Variants in MACROD2 observed in about 807,000 individuals in gnomAD.
MACROD2 encodes the protein mono-ADP ribosylhydrolase 2.
MACROD2 carries 36 observed loss-of-function variants against 70.4 expected under a neutral mutation model. The observed-to-expected ratio is 0.51, with a 90% CI of 0.39 to 0.68. MACROD2 has a LOEUF of 0.68. Among genes scored for constraint, MACROD2 ranks in the 30% least tolerant of loss-of-function variants. The probability of loss-of-function intolerance (pLI) is 0.00; values close to 1 mark genes in which losing one functional copy is unlikely to be tolerated. For synonymous variants in MACROD2, 172 were observed against 178.8 expected, an observed-to-expected ratio of 0.96 and a Z score of 0.30; for missense variants, 496 against 538.4, an observed-to-expected ratio of 0.92 and a Z score of 0.78.
intron 5 of MACROD2, among the ~76,000 whole-genome samples, chr20:14,990,499 T>C (rs1375535645): frequency 7.0e-6 from 1 of 142,958 alleles, no homozygotes; most frequent in Non-Finnish European, 1.6e-5. Flanking sequence ...TCTGTTTCCT[T>C]TTTTTTTTTC....
intron 3 of MACROD2, among the ~76,000 whole-genome samples, chr20:14,387,191 G>C (rs574848324): frequency 1.3e-5 from 2 of 152,278 alleles, no homozygotes; most frequent in South Asian, 4.1e-4. Flanking sequence ...CTGTAAAACA[G>C]TATGAATGTG....
chr20:14,146,079 T>C (rs2054938784), intron 3 of MACROD2, among the ~76,000 whole-genome samples: 1 of 152,136 alleles, frequency 6.6e-6, no homozygotes, highest in Admixed American at 6.5e-5. Context: ...TCCCAGCACT[T>C]TGGGAGGCTG....
intron 10 of MACROD2, among the ~76,000 whole-genome samples, chr20:15,921,385 G>A (rs56389305): frequency 0.011 from 1,664 of 152,198 alleles, 25 homozygotes; most frequent in African/African-American, 0.033. Flanking sequence ...GTGAAGCACC[G>A]GCCATCGGCA....
At chr20:15,563,423 C>T (rs1312809854) in intron 8 of MACROD2, among the ~76,000 whole-genome samples, 2 of 152,116 alleles carry the variant, frequency 1.3e-5, no homozygotes, top group Non-Finnish European at 2.9e-5. Flanking sequence ...GCTTTTATGG[C>T]CTTAGAAAGC....
chr20:15,128,707 G>A (rs2076084013), intron 5 of MACROD2, among the ~76,000 whole-genome samples: 1 of 151,990 alleles, frequency 6.6e-6, no homozygotes, highest in Non-Finnish European at 1.5e-5. Flanking sequence ...ATTTGATTCT[G>A]AACAATGATG....
intron 10 of MACROD2, among the ~76,000 whole-genome samples, chr20:15,889,217 A>C (rs552909711): frequency 6.6e-6 from 1 of 152,298 alleles, no homozygotes; most frequent in South Asian, 2.1e-4. Context: ...GAGGTCAATG[A>C]ATAGGAGAGC....
At chr20:14,875,052 A>G (rs1212673822) in intron 5 of MACROD2, among the ~76,000 whole-genome samples, 1 of 151,910 alleles carries the variant, frequency 6.6e-6, no homozygotes, top group Non-Finnish European at 1.5e-5. Flanking sequence ...GACAAAAGAG[A>G]TATATTGACT....
chr20:15,668,331 G>A (rs1425772876), intron 8 of MACROD2, among the ~76,000 whole-genome samples: 1 of 151,760 alleles, frequency 6.6e-6, no homozygotes, highest in Non-Finnish European at 1.5e-5. Flanking sequence ...ATTTTGGGAG[G>A]CCAAGGCAGG....
At chr20:14,558,853 G>C (rs1487244700) in intron 4 of MACROD2, among the ~76,000 whole-genome samples, 1 of 151,576 alleles carries the variant, frequency 6.6e-6, no homozygotes, top group African/African-American at 2.4e-5. Flanking sequence ...ACTGTATTAG[G>C]TATTGAAGTG....
intron 8 of MACROD2, among the ~76,000 whole-genome samples, chr20:15,807,954 C>G (rs370703887): frequency 7.2e-5 from 11 of 152,048 alleles, no homozygotes; most frequent in Non-Finnish European, 1.5e-4. Flanking sequence ...AGTTAAAGAT[C>G]GACCCCTGAC....
chr20:14,196,219 G>A (rs1179887890), intron 3 of MACROD2, among the ~76,000 whole-genome samples: 1 of 152,126 alleles, frequency 6.6e-6, no homozygotes, highest in East Asian at 1.9e-4. Context: ...AGTCTTCCTT[G>A]TACTTTAAGA....
chr20:15,248,598 G>T (rs1298312116), intron 6 of MACROD2, among the ~76,000 whole-genome samples: 2 of 152,128 alleles, frequency 1.3e-5, no homozygotes, highest in Non-Finnish European at 2.9e-5. Context: ...CCTCTGTCTT[G>T]ATCTCCATTA....
chr20:14,412,696 TA>T lies in MACROD2; in HGVS notation c.272-80778del, dbSNP rs745846710. Among the ~76,000 whole-genome samples, 21 of 152,274 alleles carry T rather than the reference TA, an allele frequency of 1.4e-4. 1 individual carries two copies. In the East Asian group the frequency reaches 3.3e-3, roughly 24 times the overall value. The stretch of plus-strand genomic sequence containing the variant: ...GATAATCCCTACGTTACAGGCCTGT[TA>T]AAAAGATTAAACAAACGAATGTCTG... On this transcript the variant is annotated intron_variant, in intron 3 of 17. Coordinates refer to ENST00000684519, the MANE Select transcript of MACROD2 (RefSeq NM_001351661.2).
chr20:16,013,909 G>A (rs1324255874), intron 15 of MACROD2, among the ~76,000 whole-genome samples: 1 of 152,218 alleles, frequency 6.6e-6, no homozygotes, highest in Non-Finnish European at 1.5e-5. Context: ...TAGGCCCTGT[G>A]TAAATGGAGC....
At chr20:14,312,784 C>T (rs750197071) in intron 3 of MACROD2, among the ~76,000 whole-genome samples, 3 of 152,180 alleles carry the variant, frequency 2.0e-5, no homozygotes, top group Non-Finnish European at 4.4e-5. Context: ...AAGGCAAATT[C>T]AGAGATATTA....
At chr20:15,359,188 A>G (rs1475199714) in intron 6 of MACROD2, among the ~76,000 whole-genome samples, 2 of 152,198 alleles carry the variant, frequency 1.3e-5, no homozygotes, top group African/African-American at 4.8e-5. Context: ...GAGTCTACAC[A>G]AAGAAGAAAC....
At chr20:14,153,991 A>G (rs1016602400) in intron 3 of MACROD2, among the ~76,000 whole-genome samples, 11 of 152,248 alleles carry the variant, frequency 7.2e-5, no homozygotes, top group Non-Finnish European at 1.5e-4. Context: ...TCTGTGAAGA[A>G]CACTAAAATG....
At chr20:14,940,937 T>C (rs2074384541) in intron 5 of MACROD2, among the ~76,000 whole-genome samples, 1 of 148,844 alleles carries the variant, frequency 6.7e-6, no homozygotes, top group Non-Finnish European at 1.5e-5. Flanking sequence ...TTCCCTCTTC[T>C]TTAATTTTTT....
At position 15,059,211 on chromosome 20, in the gene MACROD2, C is replaced by T. The variant is rs149908126; in HGVS notation, c.419-170729C>T. On this transcript the variant is annotated intron_variant, in intron 5 of 17. Coordinates refer to ENST00000684519, the MANE Select transcript of MACROD2 (RefSeq NM_001351661.2). Reference sequence around the variant, plus strand: ...TCAGTCTGGCCAACATGGTGAAAACCATGTCTCTACTAAAAATACACAAAT... The same window carrying T: ...TCAGTCTGGCCAACATGGTGAAAACTATGTCTCTACTAAAAATACACAAAT... Among the ~76,000 whole-genome samples, 328 of 152,106 alleles carry T rather than the reference C, an allele frequency of 2.2e-3. 1 individual carries two copies. The highest frequency in any genetic ancestry group is 6.8e-3 in the Middle Eastern group (2 of 294).
Sources: gnomAD v4.1 joint callset for allele counts (sites outside exome capture counted in the v4.1 genomes callset) on GRCh38, gnomAD v4.1.1 for gene constraint, MANE v1.5 for transcripts, NCBI Gene and HGNC (gene_info 2026-07-23, HGNC 2026-07-21) for gene names.